LGR6: variants seen among roughly 807,000 people sequenced by gnomAD.
LGR6 encodes leucine-rich repeat-containing G protein-coupled receptor 6.
In LGR6, 45 loss-of-function variants were observed where a neutral mutation model predicts 69.4. The ratio of observed to expected loss-of-function variants is 0.65; its 90% confidence interval spans 0.51 to 0.83. The LOEUF (loss-of-function observed/expected upper bound fraction) is 0.83, where lower values mean the gene tolerates loss of function less well. LGR6 is among the 40% of genes least tolerant of loss of function. The pLI is 0.00. For missense variants in LGR6, 1,108 were observed against 1,246.7 expected (o/e 0.89, Z 1.68); for synonymous variants, 538 against 555.0 (o/e 0.97, Z 0.43).
At position 202,193,900 on chromosome 1, in the gene LGR6, A is replaced by G; in HGVS notation, c.-90A>G. ...CTGGGGCGGTCCCCACCGACGGTGC[A>G]GCCCGCCGGGACCGGGAGGAAGCAG... On this transcript the variant is annotated 5_prime_UTR_variant, in exon 1 of 18. Coordinates refer to ENST00000367278, the MANE Select transcript of LGR6 (RefSeq NM_001017403.2). 1.2e-6 allele frequency: 1 copy of G among 849,596 alleles called. No homozygotes were observed. Among genetic ancestry groups the G allele is most frequent in the East Asian group, 4.4e-5 (1 of 22,818 alleles). The allele number at this position is 849,596 out of a possible 1,614,324, so 52.6% of individuals were successfully genotyped here.
chr1:202,213,439 A>G (rs1659551704), intron 1 of LGR6, among the ~76,000 whole-genome samples: 1 of 152,188 alleles, frequency 6.6e-6, no homozygotes, highest in Non-Finnish European at 1.5e-5. Context: ...GACCCTGGCC[A>G]GAGATCAGAA....
chr1:202,210,999 G>C (rs1460804491), intron 1 of LGR6, among the ~76,000 whole-genome samples: 1 of 152,226 alleles, frequency 6.6e-6, no homozygotes, highest in Non-Finnish European at 1.5e-5. Flanking sequence ...GCATAGGCTG[G>C]TTGTGGGGGG....
intron 4 of LGR6, among the ~76,000 whole-genome samples, chr1:202,252,993 A>G (rs564771107): frequency 6.6e-6 from 1 of 152,174 alleles, no homozygotes; most frequent in Admixed American, 6.5e-5. Flanking sequence ...ACATTCTGAC[A>G]CTCTCGAGTC....
chr1:202,309,938 T>C (rs186180158), intron 15 of LGR6, among the ~76,000 whole-genome samples: 358 of 152,318 alleles, frequency 2.4e-3, no homozygotes, highest in Non-Finnish European at 3.0e-3. Context: ...ATGGGCAGAA[T>C]GTTTCTTTCC....
chr1:202,316,479 A>G (rs1453437376), intron 17 of LGR6, among the ~76,000 whole-genome samples: 1 of 152,124 alleles, frequency 6.6e-6, no homozygotes, highest in Admixed American at 6.6e-5. Flanking sequence ...ACTAGGCCCC[A>G]CCTCCAACAT....
chr1:202,194,171 C>A lies in LGR6; in HGVS notation c.182C>A (p.Pro61Gln), dbSNP rs1272786949. 2 of 1,568,866 alleles carry A rather than the reference C, an allele frequency of 1.3e-6. No individual in the cohort carries two copies. ...TCTGAGCTCGGGCTGTCCGCCGTTCCGGGGGACCTGGACCCCCTGACGGCT... is the reference window on the plus strand; with the variant it reads ...TCTGAGCTCGGGCTGTCCGCCGTTCAGGGGGACCTGGACCCCCTGACGGCT... ...DCSELGLSAV[P>Q]GDLDPLTAYL... The change falls in exon 1 of 18, where the codon CCG (proline) becomes CAG (glutamine). Residue 61 changes from proline (P) to glutamine (Q), a missense_variant. Coordinates refer to ENST00000367278, the MANE Select transcript of LGR6 (RefSeq NM_001017403.2).
chr1:202,197,916 G>A lies in LGR6; in HGVS notation c.212+3715G>A, dbSNP rs557024395. 1.9e-4 allele frequency among the ~76,000 whole-genome samples: 29 copies of A among 152,300 alleles called. No homozygotes were observed. In the South Asian group the frequency reaches 5.8e-3, roughly 31 times the overall value. Reference sequence around the variant, plus strand: ...GATGGTGCCAGAAAAGGTGTCTCACGCAGCTAGTTGTAAAAGACCTCAGGC... The same window carrying A: ...GATGGTGCCAGAAAAGGTGTCTCACACAGCTAGTTGTAAAAGACCTCAGGC... On this transcript the variant is annotated intron_variant, in intron 1 of 17. Coordinates refer to ENST00000367278, the MANE Select transcript of LGR6 (RefSeq NM_001017403.2).
At chr1:202,201,547 G>A (rs1467053914) in intron 1 of LGR6, among the ~76,000 whole-genome samples, 1 of 152,166 alleles carries the variant, frequency 6.6e-6, no homozygotes, top group Non-Finnish European at 1.5e-5. Context: ...CTAGTTGCTG[G>A]TGGGGGGATT....
chr1:202,276,192 T>G lies in LGR6; in HGVS notation c.429-114T>G, dbSNP rs575425952. On this transcript the variant is annotated intron_variant, in intron 4 of 17. Transcript: ENST00000367278. ...ATACATGGTGGCCAAGTCACAACTT[T>G]AGTCCCAGGGAGCCTCAAAGGCCCT... The G allele has an allele frequency of 1.3e-5, 10 of 771,798 alleles. No homozygotes were observed. The East Asian group carries it at 2.0e-4, about 15-fold the overall frequency. The allele number at this position is 771,798 out of a possible 1,614,324, so 47.8% of individuals were successfully genotyped here. A position where few individuals can be genotyped will look rare whatever the true frequency, so the allele number is the denominator to read the frequency against.
intron 16 of LGR6, among the ~76,000 whole-genome samples, chr1:202,311,948 A>G (rs1166946007): frequency 7.2e-5 from 11 of 152,236 alleles, no homozygotes; most frequent in African/African-American, 2.2e-4. Flanking sequence ...GGAGCAGCCC[A>G]GCAGCCTGGC....
Position 202,193,929 on chromosome 1 carries a change from CG to C in LGR6, c.-59del. 2 of 1,086,812 alleles carry C rather than the reference CG, an allele frequency of 1.8e-6. No homozygotes were observed. Among genetic ancestry groups the C allele is most frequent in the Non-Finnish European group, 2.4e-6 (2 of 845,986 alleles). 67.3% of individuals were successfully genotyped at this position (1,086,812 alleles called of 1,614,324 possible). On this transcript the variant is annotated 5_prime_UTR_variant, in exon 1 of 18. Transcript: ENST00000367278. ...CGCCGGGACCGGGAGGAAGCAGCTG[CG>C]GCCATCGCGCCGTGCGTCCGCGCCC...
At chr1:202,315,012 G>A in intron 17 of LGR6, 130 bp downstream of exon 17, 1 of 674,044 alleles carries the variant, frequency 1.5e-6, no homozygotes, top group South Asian at 1.8e-5. Context: ...CCTGCTGCAA[G>A]AGGGCCCTCC....
chr1:202,225,376 C>G, intron 1 of LGR6, 47 bp from the exon 2 acceptor site: 1 of 1,562,986 alleles, frequency 6.4e-7, no homozygotes, highest in Non-Finnish European at 8.8e-7. Context: ...TGCCAGATGG[C>G]CCAAGTGGGG....
intron 1 of LGR6, among the ~76,000 whole-genome samples, chr1:202,216,220 G>A (rs1470012875): frequency 2.0e-5 from 3 of 152,248 alleles, no homozygotes; most frequent in Non-Finnish European, 4.4e-5. Context: ...GTAAATGGTT[G>A]AGTTGGGTGG....
chr1:202,225,181 G>A (rs1660425463), intron 1 of LGR6, among the ~76,000 whole-genome samples: 1 of 152,240 alleles, frequency 6.6e-6, no homozygotes, highest in East Asian at 1.9e-4. Flanking sequence ...AAAGGCAGAG[G>A]GGAAAGTGGG....
intron 1 of LGR6, among the ~76,000 whole-genome samples, chr1:202,213,598 T>C (rs908625977): frequency 4.6e-5 from 7 of 152,140 alleles, no homozygotes; most frequent in African/African-American, 1.7e-4. Flanking sequence ...TTCCTAACTT[T>C]ATAGCCCTGC....
intron 3 of LGR6, among the ~76,000 whole-genome samples, chr1:202,231,517 G>T (rs1392198713): frequency 6.6e-6 from 1 of 152,198 alleles, no homozygotes; most frequent in East Asian, 1.9e-4. Context: ...AAGCCTTGAG[G>T]TCAGACTCAG....
At chr1:202,244,691 T>C (rs535365528) in intron 4 of LGR6, among the ~76,000 whole-genome samples, 10 of 152,124 alleles carry the variant, frequency 6.6e-5, no homozygotes, top group Admixed American at 2.6e-4. Flanking sequence ...CCTTAATACA[T>C]TTGCAAAGGC....
chr1:202,308,942 T>C (rs1034324707), intron 14 of LGR6, 109 bp from the exon 15 acceptor site: 1 of 1,346,324 alleles, frequency 7.4e-7, no homozygotes, highest in Non-Finnish European at 1.0e-6. Context: ...TGTCCTTTGC[T>C]CCTCTCCTCT....
Sources: gnomAD v4.1 joint callset for allele counts (sites outside exome capture counted in the v4.1 genomes callset) on GRCh38, gnomAD v4.1.1 for gene constraint, MANE v1.5 for transcripts, NCBI Gene and HGNC (gene_info 2026-07-23, HGNC 2026-07-21) for gene names.